GPHN: variants seen among roughly 807,000 people sequenced by gnomAD.
GPHN encodes the protein gephyrin.
In GPHN, 17 loss-of-function variants were observed where a neutral mutation model predicts 95.5. The ratio of observed to expected loss-of-function variants is 0.18; its 90% confidence interval spans 0.12 to 0.27. The LOEUF (loss-of-function observed/expected upper bound fraction) is 0.27. GPHN is among the 10% of genes least tolerant of loss of function. The probability of loss-of-function intolerance (pLI) is 1.00; values close to 1 mark genes in which losing one functional copy is unlikely to be tolerated. For synonymous variants in GPHN, 320 were observed against 322.5 expected (o/e 0.99, Z 0.08); for missense variants, 660 against 978.1 (o/e 0.67, Z 4.34).
At chr14:66,765,583 A>T (rs1309693653) in intron 2 of GPHN, among the ~76,000 whole-genome samples, 2 of 152,182 alleles carry the variant, frequency 1.3e-5, no homozygotes, top group Middle Eastern at 3.2e-3. Context: ...ATTCAAAGAC[A>T]GGAGCAACAG....
At chr14:67,506,666 G>GA in the GPHN span, among the ~76,000 whole-genome samples, 3 of 152,158 alleles carry the variant, frequency 2.0e-5, no homozygotes, top group African/African-American at 7.2e-5. Context: ...TAGAAGGAAT[G>GA]AAAGAATCCA....
At chr14:66,539,672 C>T (rs141724557) in intron 1 of GPHN, among the ~76,000 whole-genome samples, 2 of 152,072 alleles carry the variant, frequency 1.3e-5, no homozygotes, top group East Asian at 1.9e-4. Flanking sequence ...CTGCTCACCT[C>T]GGCCTCCCAA....
chr14:66,664,362 A>G (rs1229437039), intron 1 of GPHN, among the ~76,000 whole-genome samples: 4 of 152,194 alleles, frequency 2.6e-5, no homozygotes, highest in African/African-American at 9.7e-5. Flanking sequence ...CATGAAAATT[A>G]AATAACCTGC....
At chr14:66,698,900 T>A (rs1451845728) in intron 2 of GPHN, among the ~76,000 whole-genome samples, 1 of 152,172 alleles carries the variant, frequency 6.6e-6, no homozygotes, top group African/African-American at 2.4e-5. Context: ...AATCTGCAGA[T>A]AAGTGGAACC....
intron 4 of GPHN, among the ~76,000 whole-genome samples, chr14:66,852,806 A>G (rs10143670): frequency 0.15 from 22,570 of 152,058 alleles, 3,193 homozygotes; most frequent in East Asian, 0.44. Flanking sequence ...AAATTAGTGA[A>G]CTCTCATTTG....
At chr14:67,721,513 C>A in the GPHN span, among the ~76,000 whole-genome samples, 5 of 152,116 alleles carry the variant, frequency 3.3e-5, no homozygotes, top group African/African-American at 9.7e-5. Context: ...TCTTTACCAG[C>A]ATTTTCTTGT....
intron 3 of GPHN, among the ~76,000 whole-genome samples, chr14:66,815,245 T>G (rs1262583303): frequency 6.6e-6 from 1 of 152,168 alleles, no homozygotes; most frequent in Non-Finnish European, 1.5e-5. Context: ...AAAACATGTT[T>G]CAGGTATCAT....
chr14:67,600,093 CGA>C, the GPHN span: 1 of 1,595,172 alleles, frequency 6.3e-7, no homozygotes, highest in Non-Finnish European at 8.5e-7. Context: ...GCGAACGCAG[CGA>C]GAGCCGAGGG....
intron 17 of GPHN, among the ~76,000 whole-genome samples, chr14:67,137,024 G>A (rs1345703547): frequency 6.6e-6 from 1 of 152,090 alleles, no homozygotes; most frequent in Non-Finnish European, 1.5e-5. Flanking sequence ...AAGCATGGTG[G>A]CACACACTTG....
chr14:66,605,527 A>ATTTTTTT (rs59245552), intron 1 of GPHN, among the ~76,000 whole-genome samples: 3 of 116,424 alleles, frequency 2.6e-5, no homozygotes, highest in Admixed American at 9.4e-5. Context: ...TCCTTTGCCG[A>ATTTTTTT]TTTTTTTTTT....
At chr14:66,520,157 C>CA (rs2058418581) in intron 1 of GPHN, among the ~76,000 whole-genome samples, 1 of 151,992 alleles carries the variant, frequency 6.6e-6, no homozygotes, top group Non-Finnish European at 1.5e-5. Flanking sequence ...TTTTCAGAGA[C>CA]AGATGTTGTA....
At chr14:67,330,582 C>A in the GPHN span, among the ~76,000 whole-genome samples, 1 of 151,692 alleles carries the variant, frequency 6.6e-6, no homozygotes, top group African/African-American at 2.4e-5. Context: ...CCTCAGCCTC[C>A]CGAGTAGCTG....
chr14:67,731,031 T>A, the GPHN span, among the ~76,000 whole-genome samples: 1 of 152,150 alleles, frequency 6.6e-6, no homozygotes, highest in Non-Finnish European at 1.5e-5. Context: ...CTAAAATGAT[T>A]TTGCTATTTG....
At chr14:67,232,087 A>G in the GPHN span, among the ~76,000 whole-genome samples, 1 of 152,116 alleles carries the variant, frequency 6.6e-6, no homozygotes, top group African/African-American at 2.4e-5. Context: ...CCTTCAAGGG[A>G]TGGAGCCTAT....
the GPHN span, among the ~76,000 whole-genome samples, chr14:67,594,946 G>A: frequency 1.3e-5 from 2 of 151,992 alleles, no homozygotes; most frequent in African/African-American, 4.8e-5. Context: ...TCAGGAGATC[G>A]AGACCACGGT....
the GPHN span, chr14:67,690,603 C>T: frequency 1.7e-6 from 1 of 595,868 alleles, no homozygotes; most frequent in African/African-American, 1.9e-5. Flanking sequence ...CAGCCAAAGA[C>T]ATGAGGCATC....
chr14:67,211,704 G>A, the GPHN span, among the ~76,000 whole-genome samples: 1 of 152,168 alleles, frequency 6.6e-6, no homozygotes, highest in African/African-American at 2.4e-5. Context: ...TACAGTGGGA[G>A]TACCATCCTG....
chr14:67,219,820 A>C, the GPHN span, among the ~76,000 whole-genome samples: 1 of 152,302 alleles, frequency 6.6e-6, no homozygotes, highest in African/African-American at 2.4e-5. Flanking sequence ...AGAGAAATAA[A>C]TAGATGAAGA....
At chr14:66,677,891 T>C (rs756980627) in intron 1 of GPHN, among the ~76,000 whole-genome samples, 17 of 152,174 alleles carry the variant, frequency 1.1e-4, no homozygotes, top group Non-Finnish European at 2.4e-4. Flanking sequence ...GTAGGTATTT[T>C]TTGTTTTAGT....
Sources: allele counts gnomAD v4.1 joint callset (sites outside exome capture counted in the v4.1 genomes callset), GRCh38; gene constraint gnomAD v4.1.1; transcripts MANE v1.5; gene names NCBI Gene and HGNC (gene_info 2026-07-23, HGNC 2026-07-21).